BICD1: variants seen among roughly 807,000 people sequenced by gnomAD.
BICD1 encodes the protein BICD cargo adaptor 1.
BICD1 carries 35 observed loss-of-function variants against 92.5 expected under a neutral mutation model. The observed-to-expected ratio is 0.38, with a 90% CI of 0.29 to 0.50. The LOEUF is 0.50. Among genes scored for constraint, BICD1 ranks in the 20% least tolerant of loss-of-function variants. The probability of loss-of-function intolerance (pLI) is 0.93; values close to 1 mark genes in which losing one functional copy is unlikely to be tolerated. For missense variants in BICD1, 950 were observed against 1,189.8 expected, an observed-to-expected ratio of 0.80 and a Z score of 2.97; for synonymous variants, 429 against 465.1, an observed-to-expected ratio of 0.92 and a Z score of 1.00.
intron 2 of BICD1, among the ~76,000 whole-genome samples, chr12:32,292,115 T>C (rs189678302): frequency 1.9e-4 from 29 of 152,352 alleles, no homozygotes; most frequent in Non-Finnish European, 3.7e-4. Flanking sequence ...CTCACAGTTC[T>C]GGAGGCCAAA....
chr12:32,306,432 G>T (rs537721943), intron 4 of BICD1, among the ~76,000 whole-genome samples: 28 of 151,928 alleles, frequency 1.8e-4, no homozygotes, highest in African/African-American at 6.5e-4. Flanking sequence ...TTTTAGTAGA[G>T]ACGGGGTTTC....
chr12:32,290,087 T>A (rs1256952725), intron 2 of BICD1, among the ~76,000 whole-genome samples: 1 of 152,312 alleles, frequency 6.6e-6, no homozygotes, highest in East Asian at 1.9e-4. Context: ...TTTATTATAA[T>A]GAGAGCTAAA....
rs1295076942 is a variant in BICD1, at chr12:32,216,290, A to T, written c.257A>T (p.Asp86Val). 1 of 1,614,064 alleles carries T rather than the reference A, an allele frequency of 6.2e-7. No homozygotes were observed. Among genetic ancestry groups the T allele is most frequent in the Admixed American group, 1.7e-5 (1 of 60,012 alleles). The change falls in exon 2 of 10, where the codon GAT becomes GTT. Residue 86 changes from aspartate (D) to valine (V), a missense_variant. This residue lies in a region of BICD1 where 202 missense variants were observed against 205.3 expected (regional missense o/e 0.98). Coordinates refer to ENST00000652176, the MANE Select transcript of BICD1 (RefSeq NM_001714.4). ...TCCATCCACCGGAAGGTTGCTGAAG[A>T]TGGAGAGACTCGGGAGGAAACGCTT... The part of the protein sequence containing the change: ...SFSIHRKVAE[D>V]GETREETLLQ...
intron 2 of BICD1, among the ~76,000 whole-genome samples, chr12:32,261,709 G>T (rs1049274139): frequency 4.6e-5 from 7 of 152,200 alleles, no homozygotes; most frequent in African/African-American, 1.7e-4. Context: ...AGTGGTGTTG[G>T]CAGCAGGTGT....
At chr12:32,162,624 A>G (rs1273087281) in intron 1 of BICD1, among the ~76,000 whole-genome samples, 3 of 152,198 alleles carry the variant, frequency 2.0e-5, no homozygotes, top group East Asian at 1.9e-4. Context: ...TAGCTATTAT[A>G]CTTCCAATCC....
chr12:32,126,380 T>A (rs1264386067), intron 1 of BICD1, among the ~76,000 whole-genome samples: 1 of 151,962 alleles, frequency 6.6e-6, no homozygotes, highest in African/African-American at 2.4e-5. Flanking sequence ...GAACGCAGGT[T>A]GGTCATGCCT....
chr12:32,110,500 T>G (rs1377328473), intron 1 of BICD1, among the ~76,000 whole-genome samples: 3 of 152,118 alleles, frequency 2.0e-5, no homozygotes, highest in Non-Finnish European at 2.9e-5. Flanking sequence ...TCCACTAGAA[T>G]ACTTGAGTCT....
At chr12:32,362,316 T>C (rs1401401982) in intron 8 of BICD1, among the ~76,000 whole-genome samples, 2 of 152,048 alleles carry the variant, frequency 1.3e-5, no homozygotes, top group African/African-American at 2.4e-5. Context: ...GCTGAGATCA[T>C]GCCATTGCAC....
chr12:32,183,657 G>A (rs1455665641), intron 1 of BICD1, among the ~76,000 whole-genome samples: 1 of 152,210 alleles, frequency 6.6e-6, no homozygotes, highest in Non-Finnish European at 1.5e-5. Context: ...CTCTGAGAAT[G>A]ACCTTGCATG....
At chr12:32,128,327 G>A (rs895861637) in intron 1 of BICD1, among the ~76,000 whole-genome samples, 6 of 152,188 alleles carry the variant, frequency 3.9e-5, no homozygotes, top group South Asian at 4.1e-4. Context: ...AAGCATATGC[G>A]TATTTCCACT....
chr12:32,361,827 C>CAG (rs556284468), intron 8 of BICD1, among the ~76,000 whole-genome samples: 179 of 152,302 alleles, frequency 1.2e-3, no homozygotes, highest in African/African-American at 4.2e-3. Flanking sequence ...GTGCCTGCCC[C>CAG]AGAGCACTTG....
chr12:32,246,684 T>G (rs937857516), intron 2 of BICD1, among the ~76,000 whole-genome samples: 1 of 152,168 alleles, frequency 6.6e-6, no homozygotes, highest in Non-Finnish European at 1.5e-5. Context: ...AGATTTTCAG[T>G]GTTTATTGTT....
intron 2 of BICD1, among the ~76,000 whole-genome samples, chr12:32,287,422 T>C (rs2136181841): frequency 6.6e-6 from 1 of 152,290 alleles, no homozygotes; most frequent in East Asian, 1.9e-4. Context: ...CATGTATTAC[T>C]GTATTGATTA....
rs964918125 is a variant in BICD1, at chr12:32,381,327, T to C, written c.*3700T>C. On this transcript the variant is annotated 3_prime_UTR_variant, in exon 10 of 10. Transcript: ENST00000652176. ...AATGTCCTCAGGAATACTTCAGAAATAGAAGGTATGCAATCCCTTAGTGGG... is the reference window on the plus strand; with the variant it reads ...AATGTCCTCAGGAATACTTCAGAAACAGAAGGTATGCAATCCCTTAGTGGG... 1 of 152,106 alleles carries C rather than the reference T, an allele frequency of 6.6e-6. No homozygotes were observed. The highest frequency in any genetic ancestry group is 2.4e-5 in the African/African-American group (1 of 41,448). The allele number at this position is 152,106 out of a possible 1,614,324, so 9.4% of individuals were successfully genotyped here. A position where few individuals can be genotyped will look rare whatever the true frequency, so the allele number is the denominator to read the frequency against.
At chr12:32,118,045 G>A (rs1400135317) in intron 1 of BICD1, among the ~76,000 whole-genome samples, 1 of 80,696 alleles carries the variant, frequency 1.2e-5, no homozygotes, top group Non-Finnish European at 2.7e-5. Context: ...CCATCGCACC[G>A]GCCCGCTTAG....
chr12:32,274,471 T>C (rs1947226265), intron 2 of BICD1, among the ~76,000 whole-genome samples: 1 of 152,194 alleles, frequency 6.6e-6, no homozygotes, highest in Admixed American at 6.5e-5. Flanking sequence ...ATATTCAAAA[T>C]GTGAGCAGCT....
chr12:32,346,153 A>C (rs1938555169), intron 8 of BICD1, among the ~76,000 whole-genome samples: 1 of 149,262 alleles, frequency 6.7e-6, no homozygotes, highest in South Asian at 2.1e-4. Flanking sequence ...TGTTTCAAAA[A>C]ATAAATAAAA....
At chr12:32,113,469 C>CT (rs1324991345) in intron 1 of BICD1, among the ~76,000 whole-genome samples, 1 of 151,930 alleles carries the variant, frequency 6.6e-6, no homozygotes, top group African/African-American at 2.4e-5. Context: ...GCAACCTTAA[C>CT]TAACCATCCT....
At chr12:32,191,156 T>A (rs1003440848) in intron 1 of BICD1, among the ~76,000 whole-genome samples, 1 of 151,912 alleles carries the variant, frequency 6.6e-6, no homozygotes, top group African/African-American at 2.4e-5. Flanking sequence ...CAACCTAATT[T>A]CACACCCCAA....
Sources: gnomAD v4.1 joint callset for allele counts (sites outside exome capture counted in the v4.1 genomes callset) on GRCh38, gnomAD v4.1.1 for gene constraint, gnomAD v4.1.1 regional missense constraint, MANE v1.5 for transcripts, NCBI Gene and HGNC (gene_info 2026-07-23, HGNC 2026-07-21) for gene names.